USP8: variants seen among roughly 807,000 people sequenced by gnomAD.
The protein encoded by USP8 is ubiquitin carboxyl-terminal hydrolase 8.
In USP8, 27 loss-of-function variants were observed where a neutral mutation model predicts 130.0. That is an observed-to-expected ratio of 0.21 (90% CI 0.15 to 0.29). The LOEUF is 0.29. Ranked by LOEUF, USP8 falls within the 10% of genes least tolerant of loss-of-function variation. The pLI is 1.00. For missense variants in USP8, 1,029 were observed against 1,312.2 expected (o/e 0.78, Z 3.33); for synonymous variants, 392 against 444.1 (o/e 0.88, Z 1.48).
rs1349688346 is a variant in USP8, at chr15:50,497,074, G to T, written c.2896-15G>T. ...TCGAATTAACGAGTATCTGCTACTT[G>T]TTTTTTTCTGCCAGGATTGCCTTAG... On this transcript the variant is annotated splice_polypyrimidine_tract_variant and intron_variant, in intron 17 of 19. Coordinates refer to ENST00000307179, the MANE Select transcript of USP8 (RefSeq NM_005154.5). The T allele has an allele frequency of 6.3e-7, 1 of 1,585,654 alleles. No homozygotes were observed. The highest frequency in any genetic ancestry group is 8.5e-7 in the Non-Finnish European group (1 of 1,170,278).
intron 9 of USP8, 66 bp downstream of exon 9, chr15:50,477,059 G>T: frequency 6.4e-7 from 1 of 1,569,372 alleles, no homozygotes. Flanking sequence ...TGTTTTCCCG[G>T]TAACATTCTT....
At position 50,482,035 on chromosome 15, in the gene USP8, A is replaced by C. The variant is rs370736010; in HGVS notation, c.1773A>C (p.Thr591=). 7.2e-6 allele frequency: 11 copies of C among 1,527,774 alleles called. No homozygotes were observed. In the Admixed American group the frequency reaches 2.6e-4, roughly 37 times the overall value. The allele number at this position is 1,527,774 out of a possible 1,614,324, so 94.6% of individuals were successfully genotyped here. A position where few individuals can be genotyped will look rare whatever the true frequency, so the allele number is the denominator to read the frequency against. Residue 591 remains threonine, a synonymous_variant, in exon 11 of 20, where the codon ACA becomes ACC. Coordinates refer to ENST00000307179, the MANE Select transcript of USP8 (RefSeq NM_005154.5). ...AGTCAACAGGAGATGTGCCCCATAC[A>C]TCTGTGACAGGGGATTCAGGTTCAG... ...QKKSTGDVPH[T]SVTGDSGSGK...
chr15:50,477,417 C>T lies in USP8; in HGVS notation c.1136C>T (p.Thr379Ile), dbSNP rs1230680792. The change falls in exon 10 of 20, where the codon ACT becomes ATT. Residue 379 changes from threonine to isoleucine, a missense_variant. Transcript: ENST00000307179. ...NERMGPLNIS[T>I]PVEPVAASKS... The stretch of plus-strand genomic sequence containing the variant: ...AGAATGGGACCACTGAATATATCAA[C>T]TCCAGTTGAACCAGTTGCTGCTTCT... The T allele has an allele frequency of 1.4e-5, 23 of 1,614,158 alleles. No individual in the cohort carries two copies. The highest frequency in any genetic ancestry group is 1.8e-5 in the Non-Finnish European group (21 of 1,180,032).
Position 50,501,053 on chromosome 15 carries a change from T to C in USP8, c.*1965T>C. On this transcript the variant is annotated 3_prime_UTR_variant, in exon 20 of 20. Transcript: ENST00000307179. ...TATGTTGTGCCCATTGACTATCATC[T>C]GTGAATAAAGAAAGACAATATTTAG... 2 of 492,536 alleles carry C rather than the reference T, an allele frequency of 4.1e-6. No individual in the cohort carries two copies. The allele number at this position is 492,536 out of a possible 1,614,324, so 30.5% of individuals were successfully genotyped here.
intron 5 of USP8, 64 bp downstream of exon 5, chr15:50,459,226 A>G: frequency 6.5e-7 from 1 of 1,538,260 alleles, no homozygotes. Flanking sequence ...TTGCTTAAAA[A>G]GAGTTGAGAT....
In USP8 at chr15:50,514,286, T is replaced by C. The variant is rs1274425009; in HGVS notation, c.*15198T>C. On this transcript the variant is annotated 3_prime_UTR_variant, in exon 20 of 20. Transcript: ENST00000307179. ...GCAGGTACAAGCACAGTTAGGGTGC[T>C]GGTAACATTCTGTTTAAACTCTGTT... The C allele has an allele frequency of 6.6e-6, 1 of 152,220 alleles. No homozygotes were observed. Among genetic ancestry groups the C allele is most frequent in the African/African-American group, 2.4e-5 (1 of 41,456 alleles). The allele number at this position is 152,220 out of a possible 1,614,324, so 9.4% of individuals were successfully genotyped here.
chr15:50,466,970 G>T, intron 7 of USP8: 1 of 472,964 alleles, frequency 2.1e-6, no homozygotes, highest in South Asian at 2.4e-5. Flanking sequence ...CTAAGACATG[G>T]GATCATTTCC....
intron 12 of USP8, among the ~76,000 whole-genome samples, chr15:50,485,611 T>C (rs1011527177): frequency 8.3e-6 from 1 of 120,840 alleles, no homozygotes; most frequent in Admixed American, 1.1e-4. Flanking sequence ...AAACCATTAA[T>C]ACAATCCAAT....
intron 1 of USP8, among the ~76,000 whole-genome samples, chr15:50,437,594 A>C (rs1160411027): frequency 6.6e-6 from 1 of 152,230 alleles, no homozygotes; most frequent in Non-Finnish European, 1.5e-5. Context: ...GTTTAACACG[A>C]GGCCTACTGT....
intron 16 of USP8, among the ~76,000 whole-genome samples, chr15:50,495,489 G>T (rs562538972): frequency 4.8e-5 from 7 of 147,252 alleles, no homozygotes; most frequent in African/African-American, 1.3e-4. Context: ...AGATTGGAGG[G>T]GGGGGTCTCA....
chr15:50,486,251 G>A (rs7494907), intron 12 of USP8, among the ~76,000 whole-genome samples: 21,383 of 152,146 alleles, frequency 0.14, 1,985 homozygotes, highest in Middle Eastern at 0.28. Context: ...GGGAGGCTGA[G>A]GCAGGTGGAT....
intron 15 of USP8, chr15:50,493,463 A>G (rs1199559724): frequency 2.1e-5 from 11 of 518,970 alleles, no homozygotes; most frequent in Non-Finnish European, 3.8e-5. Context: ...ATCCTTAGGA[A>G]TAATGAAGGC....
chr15:50,493,583 GTC>G, intron 15 of USP8: 1 of 473,518 alleles, frequency 2.1e-6, no homozygotes, highest in Non-Finnish European at 4.2e-6. Flanking sequence ...GCAAAACTCC[GTC>G]TCTACAAAAA....
In USP8 at chr15:50,510,078, A is replaced by T. The variant is rs961606921; in HGVS notation, c.*10990A>T. 2 of 152,174 alleles carry T rather than the reference A, an allele frequency of 1.3e-5. No homozygotes were observed. The highest frequency in any genetic ancestry group is 2.9e-5 in the Non-Finnish European group (2 of 68,032). 9.4% of individuals were successfully genotyped at this position (152,174 alleles called of 1,614,324 possible). A position where few individuals can be genotyped will look rare whatever the true frequency, so the allele number is the denominator to read the frequency against. On this transcript the variant is annotated 3_prime_UTR_variant, in exon 20 of 20. Transcript: ENST00000307179. ...ATAAATTTAATATTTTATAGCTATA[A>T]TTAATACAGTACGGAATTAGCCCAA...
At chr15:50,484,503 T>C in intron 12 of USP8, 142 bp downstream of exon 12, 1 of 631,502 alleles carries the variant, frequency 1.6e-6, no homozygotes, top group South Asian at 2.0e-5. Flanking sequence ...AGCTGGTGTT[T>C]TGCTTGTTTT....
Position 50,504,849 on chromosome 15 carries a change from G to C in USP8, c.*5761G>C, listed in dbSNP as rs2052636793. On this transcript the variant is annotated 3_prime_UTR_variant, in exon 20 of 20. Coordinates refer to ENST00000307179, the MANE Select transcript of USP8 (RefSeq NM_005154.5). ...CAAAAAAAATTAGCTGGGCCTGGTG[G>C]CGTGCACCTGTAATCCCAGCTACTT... is the stretch of plus-strand genomic sequence containing the variant. The C allele has an allele frequency of 6.6e-6, 1 of 152,054 alleles. No individual in the cohort carries two copies. Among genetic ancestry groups the C allele is most frequent in the Non-Finnish European group, 1.5e-5 (1 of 68,104 alleles). The allele number at this position is 152,054 out of a possible 1,614,324, so 9.4% of individuals were successfully genotyped here.
chr15:50,486,488 C>A (rs2051965481), intron 12 of USP8, among the ~76,000 whole-genome samples: 1 of 151,710 alleles, frequency 6.6e-6, no homozygotes, highest in Admixed American at 6.6e-5. Context: ...GACCCTGTCT[C>A]AAACAAAAGG....
At position 50,481,937 on chromosome 15, in the gene USP8, C is replaced by T. The variant is rs192977674; in HGVS notation, c.1675C>T (p.His559Tyr). Residue 559 changes from histidine to tyrosine, a missense_variant, in exon 11 of 20, where the codon CAT (histidine) becomes TAT (tyrosine). This residue lies in a region of USP8 where 486 missense variants were observed against 522.0 expected (regional missense o/e 0.93). Coordinates refer to ENST00000307179, the MANE Select transcript of USP8 (RefSeq NM_005154.5). Reference protein sequence around the residue: ...TGVKRQSKSEHETSDAKKSVE... With the variant: ...TGVKRQSKSEYETSDAKKSVE... Reference sequence around the variant, plus strand: ...AGTAAAAAGACAAAGTAAAAGTGAACATGAAACTTCTGATGCCAAGAAATC... The same window carrying T: ...AGTAAAAAGACAAAGTAAAAGTGAATATGAAACTTCTGATGCCAAGAAATC... 630 of 1,607,666 alleles carry T rather than the reference C, an allele frequency of 3.9e-4. 7 individuals are homozygous for T. The Admixed American group carries it at 0.011, about 27-fold the overall frequency.
chr15:50,425,704 C>T (rs1257548475), intron 1 of USP8, among the ~76,000 whole-genome samples: 2 of 151,970 alleles, frequency 1.3e-5, no homozygotes, highest in Non-Finnish European at 2.9e-5. Flanking sequence ...TGCACATAGA[C>T]ATCTGTTTTT....
Sources: allele counts gnomAD v4.1 joint callset (sites outside exome capture counted in the v4.1 genomes callset), GRCh38; gene constraint gnomAD v4.1.1; regional missense constraint gnomAD v4.1.1; transcripts MANE v1.5; gene names NCBI Gene and HGNC (gene_info 2026-07-23, HGNC 2026-07-21).